HTR2C: variants seen among roughly 807,000 people sequenced by gnomAD.
HTR2C encodes the protein 5-hydroxytryptamine (serotonin) receptor 2C, G protein-coupled.
HTR2C carries 5 observed loss-of-function variants against 21.0 expected under a neutral mutation model. That is an observed-to-expected ratio of 0.24 (90% CI 0.12 to 0.50). The LOEUF is 0.50. Ranked by LOEUF, HTR2C falls within the 20% of genes least tolerant of loss-of-function variation. HTR2C has a pLI of 0.98. For missense variants in HTR2C, 271 were observed against 371.2 expected (o/e 0.73, Z 2.22); for synonymous variants, 150 against 145.3 (o/e 1.03, Z -0.23).
At chrX:114,759,368 TC>T (rs1287706684) in intron 4 of HTR2C, among the ~76,000 whole-genome samples, 1 of 111,403 alleles carries the variant, frequency 9.0e-6, no homozygotes, top group African/African-American at 3.3e-5. Context: ...GTTTACTAGA[TC>T]TTCATTTATT....
At chrX:114,701,916 G>A (rs1556416864) in intron 2 of HTR2C, among the ~76,000 whole-genome samples, 1 of 112,144 alleles carries the variant, frequency 8.9e-6, no homozygotes, top group East Asian at 2.8e-4. Flanking sequence ...GAAGAATGCA[G>A]AAGCCTCAGG....
intron 4 of HTR2C, among the ~76,000 whole-genome samples, chrX:114,743,241 A>G (rs983698898): frequency 2.9e-5 from 3 of 103,995 alleles, no homozygotes; most frequent in South Asian, 9.4e-4. Context: ...TTGGGTATAT[A>G]CCCAGTAATG....
Position 114,858,998 on chromosome X carries a change from A to T in HTR2C, c.550+10795A>T, listed in dbSNP as rs181478728. On this transcript the variant is annotated intron_variant, in intron 5 of 5. Transcript: ENST00000276198. Reference sequence around the variant, plus strand: ...TATACATTTTTGAATTATATCTTGCATTCTTGAAATAAATCCCACTTTGTA... The same window carrying T: ...TATACATTTTTGAATTATATCTTGCTTTCTTGAAATAAATCCCACTTTGTA... 1.9e-3 allele frequency among the ~76,000 whole-genome samples: 211 copies of T among 110,228 alleles called. 1 individual carries two copies. Among genetic ancestry groups the T allele is most frequent in the African/African-American group, 6.2e-3 (190 of 30,468 alleles).
At chrX:114,617,269 A>G (rs939766873) in intron 2 of HTR2C, among the ~76,000 whole-genome samples, 6 of 111,528 alleles carry the variant, frequency 5.4e-5, no homozygotes, top group Non-Finnish European at 1.1e-4. Flanking sequence ...TGAGACTCCC[A>G]TCTCTACAAA....
chrX:114,733,134 G>A (rs2069552752), intron 4 of HTR2C, among the ~76,000 whole-genome samples: 1 of 111,329 alleles, frequency 9.0e-6, no homozygotes, highest in Non-Finnish European at 1.9e-5. Context: ...GTGGCCGGGC[G>A]CGGTTACTCA....
intron 4 of HTR2C, among the ~76,000 whole-genome samples, chrX:114,821,083 C>T (rs2070628574): frequency 9.0e-6 from 1 of 111,353 alleles, no homozygotes; most frequent in Admixed American, 9.7e-5. Flanking sequence ...GAATCATTTT[C>T]AACCTATGAT....
In HTR2C at chrX:114,644,437, T is replaced by C. The variant is rs1209893253; in HGVS notation, c.-80+30556T>C. 4.4e-5 allele frequency among the ~76,000 whole-genome samples: 4 copies of C among 91,100 alleles called. No homozygotes were observed. The East Asian group carries it at 1.4e-3, about 32-fold the overall frequency. 79.1% of individuals were successfully genotyped at this position (91,100 alleles called of 115,157 possible). On this transcript the variant is annotated intron_variant, in intron 2 of 5. Coordinates refer to ENST00000276198, the MANE Select transcript of HTR2C (RefSeq NM_000868.4). The stretch of plus-strand genomic sequence containing the variant: ...TGAGAAGTTCTATGTAACTATACTT[T>C]TTTTAGTCATATTGTAAGTGCATGG...
chrX:114,640,087 A>AT (rs782290647), intron 2 of HTR2C, among the ~76,000 whole-genome samples: 369 of 111,545 alleles, frequency 3.3e-3, no homozygotes, highest in African/African-American at 0.011. Context: ...ATTTTCATAC[A>AT]TTTTTTGTTC....
At chrX:114,728,357 T>C (rs1436797188) in intron 3 of HTR2C, among the ~76,000 whole-genome samples, 1 of 111,100 alleles carries the variant, frequency 9.0e-6, no homozygotes, top group Non-Finnish European at 1.9e-5. Context: ...AAGACCTAAA[T>C]TACTCCTCTT....
chrX:114,829,254 C>T (rs1323667570), intron 4 of HTR2C, among the ~76,000 whole-genome samples: 1 of 110,706 alleles, frequency 9.0e-6, no homozygotes, highest in Non-Finnish European at 1.9e-5. Flanking sequence ...TTACGGTCAA[C>T]CTGGTGGGAG....
At chrX:114,595,355 C>T (rs781878931) in intron 1 of HTR2C, among the ~76,000 whole-genome samples, 44 of 103,214 alleles carry the variant, frequency 4.3e-4, no homozygotes, top group African/African-American at 1.4e-3. Context: ...GTAGCTGGAA[C>T]TGTAGGTGTG....
At chrX:114,905,505 T>C (rs2071365212) in intron 5 of HTR2C, among the ~76,000 whole-genome samples, 1 of 111,498 alleles carries the variant, frequency 9.0e-6, no homozygotes, top group Non-Finnish European at 1.9e-5. Flanking sequence ...CAGTTGCTTG[T>C]GTGTTCTCTA....
Position 114,707,489 on chromosome X carries a change from C to G in HTR2C, c.-79-19369C>G, listed in dbSNP as rs369182631. On this transcript the variant is annotated intron_variant, in intron 2 of 5. Coordinates refer to ENST00000276198, the MANE Select transcript of HTR2C (RefSeq NM_000868.4). The stretch of plus-strand genomic sequence containing the variant: ...TTACAAGTTCATTATTTAAATGAGA[C>G]TATAAAACCTAAAGATGTAAACATC... Among the ~76,000 whole-genome samples the G allele has an allele frequency of 4.5e-5, 5 of 111,469 alleles. No homozygotes were observed. In the East Asian group the frequency reaches 1.1e-3, roughly 25 times the overall value.
intron 2 of HTR2C, among the ~76,000 whole-genome samples, chrX:114,679,271 T>G (rs1344577753): frequency 9.0e-6 from 1 of 110,835 alleles, no homozygotes; most frequent in Non-Finnish European, 1.9e-5. Flanking sequence ...ATTTTTATTT[T>G]TTAAATTTAT....
At chrX:114,726,793 T>G (rs1933509794) in intron 2 of HTR2C, 65 bp from the exon 3 acceptor site, 7 of 429,322 alleles carry the variant, frequency 1.6e-5, no homozygotes, top group Admixed American at 5.6e-5. Flanking sequence ...GTTTATTTAA[T>G]TGGTTACTAT....
At chrX:114,893,073 C>A (rs1166487071) in intron 5 of HTR2C, among the ~76,000 whole-genome samples, 4 of 108,597 alleles carry the variant, frequency 3.7e-5, no homozygotes, top group African/African-American at 1.0e-4. Context: ...CCACCACACC[C>A]AGCTACTTTT....
chrX:114,813,458 T>C lies in HTR2C; in HGVS notation c.350-34545T>C, dbSNP rs186498892. On this transcript the variant is annotated intron_variant, in intron 4 of 5. Coordinates refer to ENST00000276198, the MANE Select transcript of HTR2C (RefSeq NM_000868.4). ...ATGTCACATGAGGTGTCTTCAATAG[T>C]GTTGATATTCAATCCTGAGAGAAGA... Among the ~76,000 whole-genome samples the C allele has an allele frequency of 4.8e-3, 534 of 112,003 alleles. 4 individuals are homozygous for C. Among genetic ancestry groups the C allele is most frequent in the African/African-American group, 0.016 (506 of 30,834 alleles).
chrX:114,703,463 G>A (rs1381863729), intron 2 of HTR2C, among the ~76,000 whole-genome samples: 1 of 110,827 alleles, frequency 9.0e-6, no homozygotes, highest in Non-Finnish European at 1.9e-5. Context: ...AATGACTACT[G>A]GGTACATAAG....
At chrX:114,698,778 C>T (rs1041345741) in intron 2 of HTR2C, among the ~76,000 whole-genome samples, 16 of 111,799 alleles carry the variant, frequency 1.4e-4, no homozygotes, top group African/African-American at 4.6e-4. Context: ...ACTAATTCAT[C>T]CCATTCTCCT....
Sources: gnomAD v4.1 joint callset for allele counts (sites outside exome capture counted in the v4.1 genomes callset) on GRCh38, gnomAD v4.1.1 for gene constraint, MANE v1.5 for transcripts, NCBI Gene and HGNC (gene_info 2026-07-23, HGNC 2026-07-21) for gene names.